Variants in VDAC1 observed in about 807,000 individuals in gnomAD.
The protein encoded by VDAC1 is non-selective voltage-gated ion channel VDAC1.
Under a neutral mutation model 34.7 loss-of-function variants are expected in VDAC1, and 10 were observed. That is an observed-to-expected ratio of 0.29 (90% CI 0.18 to 0.49). The LOEUF (loss-of-function observed/expected upper bound fraction) is 0.49, where lower values mean the gene tolerates loss of function less well. Ranked by LOEUF, VDAC1 falls within the 20% of genes least tolerant of loss-of-function variation. VDAC1 has a pLI of 0.99. For missense variants in VDAC1, 230 were observed against 347.9 expected (o/e 0.66, Z 2.69); for synonymous variants, 130 against 136.0 (o/e 0.96, Z 0.30).
chr5:134,084,211 A>C, the VDAC1 span, among the ~76,000 whole-genome samples: 1 of 152,226 alleles, frequency 6.6e-6, no homozygotes, highest in East Asian at 1.9e-4. Flanking sequence ...AAGAAAGGAA[A>C]CCTGTTGATC....
chr5:134,051,672 T>G, the VDAC1 span, among the ~76,000 whole-genome samples: 71 of 151,726 alleles, frequency 4.7e-4, no homozygotes, highest in African/African-American at 1.3e-3. Context: ...CAGTTTGTTT[T>G]TTTTTTTTTT....
chr5:134,036,678 G>A, the VDAC1 span, among the ~76,000 whole-genome samples: 1 of 150,624 alleles, frequency 6.6e-6, no homozygotes, highest in Admixed American at 6.6e-5. Flanking sequence ...AAAAGGCCGG[G>A]TGTGGTGGCT....
At chr5:134,065,238 G>C in the VDAC1 span, among the ~76,000 whole-genome samples, 2 of 148,712 alleles carry the variant, frequency 1.3e-5, no homozygotes, top group Non-Finnish European at 3.0e-5. Context: ...CAAATGTTTT[G>C]TAATTTTCTC....
chr5:134,010,364 G>A, the VDAC1 span, among the ~76,000 whole-genome samples: 1 of 152,124 alleles, frequency 6.6e-6, no homozygotes, highest in Non-Finnish European at 1.5e-5. Context: ...TTGGGAGGCT[G>A]AGGCGGGCAG....
At chr5:134,033,319 G>A in the VDAC1 span, among the ~76,000 whole-genome samples, 1,317 of 151,584 alleles carry the variant, frequency 8.7e-3, 19 homozygotes, top group African/African-American at 0.03. Flanking sequence ...CAGCATGCCC[G>A]GCTAATTTTT....
chr5:134,059,300 T>C, the VDAC1 span, among the ~76,000 whole-genome samples: 1 of 152,170 alleles, frequency 6.6e-6, no homozygotes, highest in South Asian at 2.1e-4. Context: ...GTTTCAGTGA[T>C]GTGATCCCAG....
the VDAC1 span, among the ~76,000 whole-genome samples, chr5:134,033,154 A>AT: frequency 0.039 from 4,869 of 125,356 alleles, 210 homozygotes; most frequent in African/African-American, 0.092. Context: ...GTAGAAACTA[A>AT]TTTTTTTTTT....
chr5:134,080,302 C>A, the VDAC1 span, among the ~76,000 whole-genome samples: 4 of 152,334 alleles, frequency 2.6e-5, no homozygotes, highest in South Asian at 8.3e-4. Context: ...GGATTGTCTC[C>A]TTTTGCCCGG....
At chr5:134,051,941 G>A in the VDAC1 span, among the ~76,000 whole-genome samples, 7 of 151,498 alleles carry the variant, frequency 4.6e-5, no homozygotes, top group Non-Finnish European at 1.0e-4. Context: ...CAGGTGATCC[G>A]CCCACCTCAG....
At chr5:134,092,506 G>A in the VDAC1 span, among the ~76,000 whole-genome samples, 2 of 151,844 alleles carry the variant, frequency 1.3e-5, no homozygotes, top group Non-Finnish European at 2.9e-5. Flanking sequence ...GTAGTGTCTT[G>A]ACATTTCTGG....
the VDAC1 span, among the ~76,000 whole-genome samples, chr5:134,093,216 T>C: frequency 6.6e-6 from 1 of 152,262 alleles, no homozygotes; most frequent in Non-Finnish European, 1.5e-5. Flanking sequence ...TCATTTCAAA[T>C]GCCCTGGGGG....
chr5:133,988,441 C>G (rs1275608514), intron 5 of VDAC1, among the ~76,000 whole-genome samples: 1 of 151,978 alleles, frequency 6.6e-6, no homozygotes, highest in Non-Finnish European at 1.5e-5. Context: ...ACAAAATTAG[C>G]TGGGTGTGGT....
chr5:134,003,921 G>A (rs1753655573), intron 1 of VDAC1, among the ~76,000 whole-genome samples: 1 of 152,220 alleles, frequency 6.6e-6, no homozygotes, highest in Non-Finnish European at 1.5e-5. Context: ...GCCGCATTTG[G>A]CGAATGAATG....
At chr5:134,074,867 C>T in the VDAC1 span, among the ~76,000 whole-genome samples, 2 of 152,130 alleles carry the variant, frequency 1.3e-5, no homozygotes, top group Non-Finnish European at 2.9e-5. Context: ...CATCCACCAC[C>T]AAAGGCTCCT....
chr5:134,004,791 C>T (rs953083661), intron 1 of VDAC1, 104 bp downstream of exon 1: 1 of 149,822 alleles, frequency 6.7e-6, no homozygotes, highest in Non-Finnish European at 1.5e-5. Flanking sequence ...GACCCGCCTC[C>T]CCTCCTGCGC....
chr5:134,064,995 T>G, the VDAC1 span, among the ~76,000 whole-genome samples: 1 of 152,072 alleles, frequency 6.6e-6, no homozygotes, highest in Non-Finnish European at 1.5e-5. Context: ...GCTGGGATTA[T>G]AGGCATGAGC....
chr5:133,997,008 G>A (rs145373654), intron 1 of VDAC1, among the ~76,000 whole-genome samples: 215 of 152,204 alleles, frequency 1.4e-3, no homozygotes, highest in Middle Eastern at 3.4e-3. Flanking sequence ...ACCATGCATG[G>A]ATTTTATTCT....
At chr5:134,012,482 G>T in the VDAC1 span, among the ~76,000 whole-genome samples, 1 of 152,178 alleles carries the variant, frequency 6.6e-6, no homozygotes, top group African/African-American at 2.4e-5. Flanking sequence ...CCAAGATGAC[G>T]GTATTAGAAG....
chr5:134,055,261 CGCTGTGGTG>C, the VDAC1 span, among the ~76,000 whole-genome samples: 1 of 152,124 alleles, frequency 6.6e-6, no homozygotes, highest in Non-Finnish European at 1.5e-5. Flanking sequence ...AGTTGGACCC[CGCTGTGGTG>C]GCTATGGGGT....
Sources: gnomAD v4.1 joint callset for allele counts (sites outside exome capture counted in the v4.1 genomes callset) on GRCh38, gnomAD v4.1.1 for gene constraint, MANE v1.5 for transcripts, NCBI Gene and HGNC (gene_info 2026-07-23, HGNC 2026-07-21) for gene names.